Variants in NUFIP1 observed in about 807,000 individuals in gnomAD.
NUFIP1 encodes the protein FMR1-interacting protein NUFIP1.
NUFIP1 carries 38 observed loss-of-function variants against 56.2 expected under a neutral mutation model. That is an observed-to-expected ratio of 0.68 (90% CI 0.52 to 0.89). The LOEUF (loss-of-function observed/expected upper bound fraction) is 0.89. Among genes scored for constraint, NUFIP1 ranks in the 40% least tolerant of loss-of-function variants. The probability of loss-of-function intolerance (pLI) is 0.00; values close to 1 mark genes in which losing one functional copy is unlikely to be tolerated. For synonymous variants in NUFIP1, 215 were observed against 212.4 expected (o/e 1.01, Z -0.10); for missense variants, 567 against 605.8 (o/e 0.94, Z 0.67).
chr13:44,947,504 G>A (rs1870940366), intron 8 of NUFIP1, among the ~76,000 whole-genome samples: 2 of 152,070 alleles, frequency 1.3e-5, no homozygotes, highest in Admixed American at 6.5e-5. Flanking sequence ...CTCCCACAGT[G>A]CTGGGATTGC....
chr13:44,957,810 C>T (rs903613055), intron 7 of NUFIP1, among the ~76,000 whole-genome samples: 6 of 152,032 alleles, frequency 3.9e-5, no homozygotes, highest in Admixed American at 3.9e-4. Flanking sequence ...TTCAAGTGTT[C>T]ATTTAGAAAA....
In NUFIP1 at chr13:44,943,473, G is replaced by C. The variant is rs372107709; in HGVS notation, c.1340C>G (p.Pro447Arg). 9.9e-6 allele frequency: 16 copies of C among 1,613,816 alleles called. No homozygotes were observed. The highest frequency in any genetic ancestry group is 1.0e-5 in the Non-Finnish European group (12 of 1,179,868). Reference protein sequence around the residue: ...DYHNYQTLFEPRTHHPYLLEM... With the variant: ...DYHNYQTLFERRTHHPYLLEM... ...CAAGAGATATGGATGGTGTGTTCTT[G>C]GTTCGAATAACGTTTGATAGTTGTG... is the stretch of plus-strand genomic sequence containing the variant. Residue 447 changes from proline to arginine, a missense_variant, in exon 9 of 10, where the codon CCA becomes CGA. By Grantham distance (103) the Pro-to-Arg change is moderately radical. Coordinates refer to ENST00000379161, the MANE Select transcript of NUFIP1 (RefSeq NM_012345.3).
At chr13:44,959,595 T>A in intron 6 of NUFIP1, 21 bp from the exon 7 acceptor site, 1 of 1,586,218 alleles carries the variant, frequency 6.3e-7, no homozygotes, top group Non-Finnish European at 8.5e-7. Flanking sequence ...AAAATTGCAA[T>A]TTTTAATATA....
chr13:44,974,138 G>A (rs1232894842), intron 5 of NUFIP1, among the ~76,000 whole-genome samples: 1 of 152,110 alleles, frequency 6.6e-6, no homozygotes, highest in Non-Finnish European at 1.5e-5. Flanking sequence ...CAAATACAAA[G>A]AAAATACCCT....
At chr13:44,978,798 T>C (rs1039858650) in intron 5 of NUFIP1, among the ~76,000 whole-genome samples, 2 of 152,164 alleles carry the variant, frequency 1.3e-5, no homozygotes. Context: ...CATTTGTACT[T>C]AGCTCACCTT....
chr13:44,945,403 C>A (rs1870873641), intron 8 of NUFIP1, among the ~76,000 whole-genome samples: 1 of 151,870 alleles, frequency 6.6e-6, no homozygotes, highest in Non-Finnish European at 1.5e-5. Context: ...GTTCAGATGG[C>A]TTCACTACTG....
intron 6 of NUFIP1, 27 bp from the exon 7 acceptor site, chr13:44,959,601 A>C: frequency 6.3e-7 from 1 of 1,583,484 alleles, no homozygotes; most frequent in Non-Finnish European, 8.6e-7. Context: ...GCAATTTTTA[A>C]TATAAAAGGC....
At chr13:44,988,779 C>T (rs1287055271) in intron 1 of NUFIP1, among the ~76,000 whole-genome samples, 1 of 152,198 alleles carries the variant, frequency 6.6e-6, no homozygotes, top group Non-Finnish European at 1.5e-5. Flanking sequence ...GCAGCCTCGA[C>T]TTCCTGGGTT....
rs190415991 is a variant in NUFIP1, at chr13:44,961,428, C to T, written c.828-1854G>A. Among the ~76,000 whole-genome samples, 22 of 152,266 alleles carry T rather than the reference C, an allele frequency of 1.4e-4. No individual in the cohort carries two copies. The East Asian group carries it at 3.9e-3, about 27-fold the overall frequency. On this transcript the variant is annotated intron_variant, in intron 6 of 9. Transcript: ENST00000379161. ...GAATTCAGATAATATAAATACAGTA[C>T]TTCACAGAGCAAGATAACACATTAA... is the stretch of plus-strand genomic sequence containing the variant.
intron 5 of NUFIP1, among the ~76,000 whole-genome samples, chr13:44,978,238 T>C (rs1872057264): frequency 6.6e-6 from 1 of 152,168 alleles, no homozygotes; most frequent in Non-Finnish European, 1.5e-5. Context: ...CACAGAAGAG[T>C]ACATCTGGCA....
At chr13:44,960,142 G>A (rs1487839625) in intron 6 of NUFIP1, among the ~76,000 whole-genome samples, 3 of 152,096 alleles carry the variant, frequency 2.0e-5, no homozygotes, top group Non-Finnish European at 2.9e-5. Flanking sequence ...ATGTTGGCCA[G>A]GATGGTCTCG....
At chr13:44,952,278 C>G (rs1169117937) in intron 7 of NUFIP1, among the ~76,000 whole-genome samples, 1 of 152,120 alleles carries the variant, frequency 6.6e-6, no homozygotes, top group Admixed American at 6.5e-5. Context: ...GCACGTGCCA[C>G]CACACCAGGC....
In NUFIP1 at chr13:44,978,326, T is replaced by C. The variant is rs143704314; in HGVS notation, c.734+864A>G. 3.0e-3 allele frequency among the ~76,000 whole-genome samples: 460 copies of C among 152,298 alleles called. 1 individual carries two copies. Among genetic ancestry groups the C allele is most frequent in the African/African-American group, 0.01 (425 of 41,570 alleles). On this transcript the variant is annotated intron_variant, in intron 5 of 9. Transcript: ENST00000379161. ...AAGTACAAATGTAACCTGCTGCTCATAAGAGTCTGAAGTATCTTTCTTGCC... is the reference window on the plus strand; with the variant it reads ...AAGTACAAATGTAACCTGCTGCTCACAAGAGTCTGAAGTATCTTTCTTGCC...
At chr13:44,977,222 C>G (rs1051024395) in intron 5 of NUFIP1, among the ~76,000 whole-genome samples, 1 of 152,198 alleles carries the variant, frequency 6.6e-6, no homozygotes, top group Non-Finnish European at 1.5e-5. Flanking sequence ...CTGTGCAAAG[C>G]ACAGCAGAAT....
intron 7 of NUFIP1, among the ~76,000 whole-genome samples, chr13:44,958,435 T>C (rs1349601045): frequency 6.6e-6 from 1 of 152,212 alleles, no homozygotes; most frequent in African/African-American, 2.4e-5. Flanking sequence ...TTGATATTAA[T>C]ATATCATCAT....
At chr13:44,984,318 G>C (rs945399433) in intron 1 of NUFIP1, among the ~76,000 whole-genome samples, 1 of 152,258 alleles carries the variant, frequency 6.6e-6, no homozygotes, top group East Asian at 1.9e-4. Context: ...AGCCAAGTCC[G>C]TATTTCCAGC....
At chr13:44,953,128 T>C (rs1871131606) in intron 7 of NUFIP1, among the ~76,000 whole-genome samples, 1 of 152,204 alleles carries the variant, frequency 6.6e-6, no homozygotes, top group Non-Finnish European at 1.5e-5. Context: ...AGTTACTATT[T>C]TTCTCTTTCA....
chr13:44,948,495 G>C (rs565933833), intron 8 of NUFIP1, among the ~76,000 whole-genome samples: 2 of 152,144 alleles, frequency 1.3e-5, no homozygotes, highest in South Asian at 4.1e-4. Context: ...TTTTAGACCT[G>C]TATTCTTATT....
intron 5 of NUFIP1, among the ~76,000 whole-genome samples, chr13:44,970,060 A>AC (rs1349250159): frequency 6.6e-6 from 1 of 152,076 alleles, no homozygotes; most frequent in African/African-American, 2.4e-5. Flanking sequence ...AAACTACTCC[A>AC]CCTAGTGGAC....
Sources: allele counts gnomAD v4.1 joint callset (sites outside exome capture counted in the v4.1 genomes callset), GRCh38; gene constraint gnomAD v4.1.1; transcripts MANE v1.5; gene names NCBI Gene and HGNC (gene_info 2026-07-23, HGNC 2026-07-21).